CHD1: variants seen among roughly 807,000 people sequenced by gnomAD.
CHD1 encodes ATP-dependent chromatin remodeler CHD1.
In CHD1, 36 loss-of-function variants were observed where a neutral mutation model predicts 224.2. The ratio of observed to expected loss-of-function variants is 0.16; its 90% CI spans 0.12 to 0.21. CHD1 has a LOEUF of 0.21. Ranked by LOEUF, CHD1 falls within the 10% of genes least tolerant of loss-of-function variation. The probability of loss-of-function intolerance (pLI) is 1.00; values close to 1 mark genes in which losing one functional copy is unlikely to be tolerated. For missense variants in CHD1, 1,378 were observed against 1,994.8 expected (o/e 0.69, Z 5.89); for synonymous variants, 668 against 658.3 (o/e 1.01, Z -0.23).
chr5:98,881,397 T>A, intron 20 of CHD1, 22 bp from the exon 21 acceptor site: 1 of 1,188,800 alleles, frequency 8.4e-7, no homozygotes, highest in Middle Eastern at 2.8e-4. Flanking sequence ...AAAACAAAAA[T>A]GCTTAACATT....
At chr5:98,857,540 A>G (rs1402150793) in intron 35 of CHD1, among the ~76,000 whole-genome samples, 1 of 152,142 alleles carries the variant, frequency 6.6e-6, no homozygotes, top group African/African-American at 2.4e-5. Flanking sequence ...TCTACTTACT[A>G]TAAAAGCATA....
chr5:98,897,342 T>C, intron 10 of CHD1, 22 bp from the exon 11 acceptor site: 3 of 1,467,732 alleles, frequency 2.0e-6, no homozygotes, highest in Non-Finnish European at 2.8e-6. Flanking sequence ...ATAAACATTA[T>C]TATGTAGAGT....
intron 22 of CHD1, among the ~76,000 whole-genome samples, chr5:98,880,681 TTTAC>T (rs1164525007): frequency 1.1e-4 from 16 of 152,346 alleles, no homozygotes; most frequent in Admixed American, 9.8e-4. Context: ...CTTTGACTGA[TTTAC>T]TTGAGTTTTC....
intron 32 of CHD1, chr5:98,860,368 G>A: frequency 3.0e-6 from 1 of 334,168 alleles, no homozygotes; most frequent in Non-Finnish European, 5.7e-6. Context: ...AATTAAATCA[G>A]GAAGTGACTC....
rs773927909 is a variant in CHD1, at chr5:98,868,617, C to G, written c.4126G>C (p.Asp1376His). 15 of 1,598,640 alleles carry G rather than the reference C, an allele frequency of 9.4e-6. No homozygotes were observed. Among genetic ancestry groups the G allele is most frequent in the Middle Eastern group, 1.7e-4 (1 of 6,016 alleles). Residue 1376 changes from aspartate to histidine, a missense_variant, in exon 31 of 36, where the codon GAT (aspartate) becomes CAT (histidine). Around this residue, in one of 16 missense-constraint regions of CHD1, gnomAD observed 105 missense variants for 93.4 expected, o/e 1.12. Coordinates refer to ENST00000614616, the MANE Select transcript of CHD1 (RefSeq NM_001270.4). ...GATTTCTTGGATCTTTCCCTACCAT[C>G]AGACTTGGATTCACTCAACTAAAGA... ...DDDKLSESKS[D>H]GRERSKKSSV... is the part of the protein sequence containing the mutation.
intron 2 of CHD1, among the ~76,000 whole-genome samples, chr5:98,921,664 C>T (rs1467583136): frequency 6.6e-6 from 1 of 152,060 alleles, no homozygotes; most frequent in Admixed American, 6.5e-5. Context: ...CATATATAAC[C>T]AATCAGTCAT....
chr5:98,910,011 A>T (rs956106412), intron 2 of CHD1, among the ~76,000 whole-genome samples: 1 of 152,176 alleles, frequency 6.6e-6, no homozygotes, highest in Admixed American at 6.5e-5. Context: ...ATTTTATCAA[A>T]AAGCCCTTCT....
In CHD1 at chr5:98,876,472, C is replaced by T. The variant is rs1749767112; in HGVS notation, c.3324G>A (p.Arg1108=). The T allele has an allele frequency of 3.7e-6, 6 of 1,613,986 alleles. No individual in the cohort carries two copies. The highest frequency in any genetic ancestry group is 3.3e-5 in the Admixed American group (2 of 60,004). ...TCCGTGGTCTTCCACGTTTCTTTGG[C>T]CTTTTCCCTTCTGAGATGGAATCAC... ...SDSDSISEGK[R]PKKRGRPRTI... is the part of the protein sequence containing the mutation. Residue 1108 remains arginine, a synonymous_variant, in exon 24 of 36, where the codon AGG becomes AGA. Transcript: ENST00000614616.
Position 98,858,217 on chromosome 5 carries a change from C to T in CHD1, c.4750G>A (p.Asp1584Asn). The T allele has an allele frequency of 6.2e-7, 1 of 1,613,136 alleles. No individual in the cohort carries two copies. The change falls in exon 35 of 36, where the codon GAC (aspartate) becomes AAC (asparagine). Residue 1584 changes from aspartate (D) to asparagine (N), a missense_variant. Transcript: ENST00000614616. The part of the protein sequence containing the change: ...RPYSSFSNGK[D>N]HRDWDHYKQD... ...TTGTAGTGATCCCAATCACGATGGT[C>T]TTTACCATTACTAAAAGAAGAATAG...
chr5:98,882,101 G>A lies in CHD1; in HGVS notation c.2741C>T (p.Thr914Ile), dbSNP rs1226529370. The change falls in exon 20 of 36, where the codon ACA becomes ATA. Residue 914 changes from threonine (T) to isoleucine (I), a missense_variant. Thr to Ile is a moderately conservative substitution (Grantham distance 89). Around this residue, in one of 16 missense-constraint regions of CHD1, gnomAD observed 57 missense variants for 177.2 expected, o/e 0.32. Coordinates refer to ENST00000614616, the MANE Select transcript of CHD1 (RefSeq NM_001270.4). ...KKQVNIYRLV[T>I]KGSVEEDILE... ...AATATCTTCTTCAACTGATCCCTTT[G>A]TAACTAGACGATAAATATTCACCTG... 1 of 1,612,826 alleles carries A rather than the reference G, an allele frequency of 6.2e-7. No homozygotes were observed.
intron 2 of CHD1, among the ~76,000 whole-genome samples, chr5:98,918,565 C>T (rs998859715): frequency 1.3e-5 from 2 of 150,532 alleles, no homozygotes; most frequent in African/African-American, 2.4e-5. Flanking sequence ...GTCAGGAGAT[C>T]GAGACTATCC....
At chr5:98,917,309 A>C (rs1036549768) in intron 2 of CHD1, among the ~76,000 whole-genome samples, 3 of 151,302 alleles carry the variant, frequency 2.0e-5, no homozygotes, top group South Asian at 4.2e-4. Context: ...CAAAAAAAAA[A>C]AACAACCTCT....
In CHD1 at chr5:98,859,458, C is replaced by A. The variant is rs147391799; in HGVS notation, c.4525-443G>T. On this transcript the variant is annotated intron_variant, in intron 33 of 35. Coordinates refer to ENST00000614616, the MANE Select transcript of CHD1 (RefSeq NM_001270.4). ...GGAAGCCCATATTACACTTAGTTGT[C>A]ACGTCTTCCTCTGGGACAGCTCCTT... Among the ~76,000 whole-genome samples, 4 of 152,206 alleles carry A rather than the reference C, an allele frequency of 2.6e-5. No individual in the cohort carries two copies. In the East Asian group the frequency reaches 7.7e-4, roughly 29 times the overall value.
At chr5:98,898,637 G>T in intron 9 of CHD1, 27 bp downstream of exon 9, 1 of 1,396,034 alleles carries the variant, frequency 7.2e-7, no homozygotes. Flanking sequence ...TAAAAAGAAA[G>T]TTTAACTAGA....
intron 5 of CHD1, among the ~76,000 whole-genome samples, chr5:98,902,681 G>A (rs58700389): frequency 6.6e-6 from 1 of 152,098 alleles, no homozygotes; most frequent in African/African-American, 2.4e-5. Flanking sequence ...GGGAGTTACA[G>A]GAGATAAAGA....
At chr5:98,864,955 C>A (rs1021250127) in intron 31 of CHD1, among the ~76,000 whole-genome samples, 2 of 152,126 alleles carry the variant, frequency 1.3e-5, no homozygotes, top group Non-Finnish European at 2.9e-5. Flanking sequence ...GGAAATAGAG[C>A]TGTAAGTAAA....
At position 98,880,597 on chromosome 5, in the gene CHD1, A is replaced by G. The variant is rs145680327; in HGVS notation, c.3060+479T>C. Among the ~76,000 whole-genome samples, 388 of 152,328 alleles carry G rather than the reference A, an allele frequency of 2.5e-3. 2 individuals carry two copies. The highest frequency in any genetic ancestry group is 8.7e-3 in the African/African-American group (363 of 41,588). On this transcript the variant is annotated intron_variant, in intron 22 of 35. Transcript: ENST00000614616. The stretch of plus-strand genomic sequence containing the variant: ...GAGGTCAGTTGACTTACGTTGTTTT[A>G]GGACTCCTTTCAACTCATTGACCCT...
rs752942141 is a variant in CHD1 at position 98,879,611 on chromosome 5, TTTC to T, written c.3175_3177del (p.Glu1059del). ...TAAATTTCTTCAAGTTCCTTTTGTC[TTTC>T]TTCTTCTTCTAATCGTCTTCTTTGA... On this transcript the variant is annotated inframe_deletion, in exon 23 of 36. Transcript: ENST00000614616. 2.5e-6 allele frequency: 4 copies of T among 1,605,216 alleles called. No homozygotes were observed. Among genetic ancestry groups the T allele is most frequent in the Admixed American group, 1.7e-5 (1 of 58,524 alleles).
chr5:98,867,372 A>G (rs1423354738), intron 31 of CHD1, among the ~76,000 whole-genome samples: 1 of 152,204 alleles, frequency 6.6e-6, no homozygotes, highest in Non-Finnish European at 1.5e-5. Flanking sequence ...TAATTTGACA[A>G]TGCAACTTTA....
Sources: gnomAD v4.1 joint callset for allele counts (sites outside exome capture counted in the v4.1 genomes callset) on GRCh38, gnomAD v4.1.1 for gene constraint, gnomAD v4.1.1 regional missense constraint, MANE v1.5 for transcripts, NCBI Gene and HGNC (gene_info 2026-07-23, HGNC 2026-07-21) for gene names.